Variants in EXOC2 observed in about 807,000 individuals in gnomAD.
The protein encoded by EXOC2 is SEC5-like 1.
Under a neutral mutation model 131.8 loss-of-function variants are expected in EXOC2, and 70 were observed. The ratio of observed to expected loss-of-function variants is 0.53; its 90% CI spans 0.44 to 0.65. EXOC2 has a LOEUF of 0.65. EXOC2 is among the 30% of genes least tolerant of loss of function. EXOC2 has a pLI of 0.00. For missense variants in EXOC2, 923 were observed against 1,108.6 expected, an observed-to-expected ratio of 0.83 and a Z score of 2.38; for synonymous variants, 411 against 398.4, an observed-to-expected ratio of 1.03 and a Z score of -0.38.
intron 1 of EXOC2, among the ~76,000 whole-genome samples, chr6:644,713 A>T (rs1367676407): frequency 6.6e-6 from 1 of 152,172 alleles, no homozygotes; most frequent in Non-Finnish European, 1.5e-5. Context: ...GGAAATGATT[A>T]GAAAATAAAA....
chr6:532,612 T>C lies in EXOC2; in HGVS notation c.2239-2A>G, dbSNP rs781013756. On this transcript the variant is annotated splice_acceptor_variant, in intron 22 of 27. Coordinates refer to ENST00000230449, the MANE Select transcript of EXOC2 (RefSeq NM_018303.6). LOFTEE classifies it high-confidence loss of function. ...TTCTTTCAATGAGGCCATGCTAACC[T>C]ATAAACACATAATGAAGAGTATGAG... The C allele has an allele frequency of 5.8e-6, 9 of 1,543,926 alleles. No homozygotes were observed. The highest frequency in any genetic ancestry group is 7.8e-6 in the Non-Finnish European group (9 of 1,151,040).
intron 7 of EXOC2, among the ~76,000 whole-genome samples, chr6:607,644 T>C (rs1219505603): frequency 6.6e-6 from 1 of 152,248 alleles, no homozygotes; most frequent in African/African-American, 2.4e-5. Context: ...ACTAGTCACA[T>C]TGGAAGTGCT....
intron 7 of EXOC2, 22 bp from the exon 8 acceptor site, chr6:599,247 A>G: frequency 6.6e-7 from 1 of 1,517,762 alleles, no homozygotes; most frequent in Non-Finnish European, 8.9e-7. Context: ...AGAGGAAAGG[A>G]AACTTAGATG....
chr6:568,712 C>G (rs769200639), intron 13 of EXOC2, among the ~76,000 whole-genome samples: 12 of 152,128 alleles, frequency 7.9e-5, no homozygotes, highest in Non-Finnish European at 1.8e-4. Flanking sequence ...TCCACAGTAC[C>G]TGATACCAAA....
chr6:582,798 CTTAAT>C (rs1468909232), intron 11 of EXOC2, among the ~76,000 whole-genome samples: 1 of 151,750 alleles, frequency 6.6e-6, no homozygotes, highest in Admixed American at 6.6e-5. Context: ...GGGGCATTTC[CTTAAT>C]TTAAAGAGAA....
At chr6:606,732 G>T (rs1760437966) in intron 7 of EXOC2, among the ~76,000 whole-genome samples, 2 of 152,120 alleles carry the variant, frequency 1.3e-5, no homozygotes, top group South Asian at 4.1e-4. Context: ...GCTCACCTTT[G>T]TTGGGAAGTT....
rs753730821 is a variant in EXOC2, at chr6:637,759, T to C, written c.60A>G (p.Pro20=). The C allele has an allele frequency of 6.2e-6, 10 of 1,613,890 alleles. No individual in the cohort carries two copies. In the Admixed American group the frequency reaches 1.0e-4, roughly 16 times the overall value. The stretch of plus-strand genomic sequence containing the variant: ...CTCCCCTGATTGTGACCTTCGTCCA[T>C]GGTATCCCTTCATTTGGAGAGATGC... The part of the protein sequence containing the change: ...VTGISPNEGI[P]WTKVTIRGEN... The change falls in exon 2 of 28, where the codon CCA becomes CCG. Residue 20 remains proline (P), a synonymous_variant. Transcript: ENST00000230449.
intron 23 of EXOC2, among the ~76,000 whole-genome samples, chr6:512,222 G>C (rs1764888828): frequency 6.6e-6 from 1 of 152,232 alleles, no homozygotes; most frequent in Admixed American, 6.5e-5. Context: ...CTCAATTCCA[G>C]TTGGTCCACG....
At chr6:657,749 T>C (rs1021589728) in intron 1 of EXOC2, among the ~76,000 whole-genome samples, 11 of 137,670 alleles carry the variant, frequency 8.0e-5, no homozygotes, top group African/African-American at 2.7e-4. Flanking sequence ...GTTTTACCTG[T>C]AGCACTCTGG....
chr6:655,195 C>T (rs1763015943), intron 1 of EXOC2, among the ~76,000 whole-genome samples: 1 of 152,202 alleles, frequency 6.6e-6, no homozygotes, highest in Non-Finnish European at 1.5e-5. Context: ...GAGCCTTCAA[C>T]AACCACCACT....
At chr6:495,408 G>C (rs1256550465) in intron 25 of EXOC2, among the ~76,000 whole-genome samples, 2 of 151,910 alleles carry the variant, frequency 1.3e-5, no homozygotes, top group Non-Finnish European at 2.9e-5. Flanking sequence ...ACAGGTGTGA[G>C]CCACCGCGCC....
intron 6 of EXOC2, among the ~76,000 whole-genome samples, chr6:614,553 T>C (rs377693923): frequency 6.6e-6 from 1 of 152,250 alleles, no homozygotes; most frequent in East Asian, 1.9e-4. Flanking sequence ...CACTGAGTTC[T>C]GTGAGTCCTT....
intron 4 of EXOC2, among the ~76,000 whole-genome samples, chr6:627,652 G>C (rs930208428): frequency 1.3e-5 from 2 of 151,456 alleles, no homozygotes; most frequent in Non-Finnish European, 2.9e-5. Context: ...TGCATCTTTC[G>C]GCATTTCTCA....
chr6:671,079 G>A (rs1383701784), intron 1 of EXOC2, among the ~76,000 whole-genome samples: 3 of 149,224 alleles, frequency 2.0e-5, no homozygotes, highest in East Asian at 3.9e-4. Context: ...AATTAAGGCT[G>A]GGCATGGTGG....
At chr6:577,235 G>A (rs557087565) in intron 11 of EXOC2, among the ~76,000 whole-genome samples, 19 of 152,160 alleles carry the variant, frequency 1.2e-4, no homozygotes, top group African/African-American at 2.2e-4. Flanking sequence ...AATCTCCTCT[G>A]ACTTCTCCCT....
intron 4 of EXOC2, among the ~76,000 whole-genome samples, chr6:626,758 AT>A (rs1581584358): frequency 6.6e-6 from 1 of 151,434 alleles, no homozygotes; most frequent in African/African-American, 2.4e-5. Context: ...CGCCCAGCTA[AT>A]TTTTTGTATT....
chr6:490,917 G>C (rs550747172), intron 26 of EXOC2, among the ~76,000 whole-genome samples: 1 of 152,238 alleles, frequency 6.6e-6, no homozygotes, highest in South Asian at 2.1e-4. Flanking sequence ...TGTATTATAA[G>C]ACTAAGATTT....
intron 4 of EXOC2, among the ~76,000 whole-genome samples, chr6:623,628 C>T (rs1272612895): frequency 6.6e-6 from 1 of 152,232 alleles, no homozygotes; most frequent in African/African-American, 2.4e-5. Flanking sequence ...CTATGACCCA[C>T]CAATCACCCT....
At chr6:495,257 C>G (rs1234502806) in intron 25 of EXOC2, among the ~76,000 whole-genome samples, 1 of 151,930 alleles carries the variant, frequency 6.6e-6, no homozygotes, top group East Asian at 1.9e-4. Flanking sequence ...TCCCGAGTAG[C>G]TGGGACTACA....
Sources: allele counts gnomAD v4.1 joint callset (sites outside exome capture counted in the v4.1 genomes callset), GRCh38; gene constraint gnomAD v4.1.1; transcripts MANE v1.5; gene names NCBI Gene and HGNC (gene_info 2026-07-23, HGNC 2026-07-21).